Variants in LARGE1 observed in about 807,000 individuals in gnomAD.
LARGE1 encodes the protein xylosyl- and glucuronyltransferase LARGE1.
Under a neutral mutation model 87.6 loss-of-function variants are expected in LARGE1, and 43 were observed. The observed-to-expected ratio is 0.49, with a 90% CI of 0.38 to 0.63. The LOEUF (loss-of-function observed/expected upper bound fraction) is 0.63, where lower values mean the gene tolerates loss of function less well. Ranked by LOEUF, LARGE1 falls within the 30% of genes least tolerant of loss-of-function variation. LARGE1 has a pLI of 0.00. For synonymous variants in LARGE1, 434 were observed against 394.6 expected, an observed-to-expected ratio of 1.10 and a Z score of -1.18; for missense variants, 802 against 1,000.2, an observed-to-expected ratio of 0.80 and a Z score of 2.67.
chr22:33,614,187 C>T (rs2079518285), intron 4 of LARGE1, among the ~76,000 whole-genome samples: 1 of 152,110 alleles, frequency 6.6e-6, no homozygotes, highest in South Asian at 2.1e-4. Context: ...GGCTTGATCA[C>T]AATAGCTCCT....
At chr22:33,742,959 T>C (rs1461228068) in intron 2 of LARGE1, among the ~76,000 whole-genome samples, 1 of 151,756 alleles carries the variant, frequency 6.6e-6, no homozygotes, top group Non-Finnish European at 1.5e-5. Context: ...GGTGGGAGGG[T>C]CTTGGATCAT....
chr22:33,253,744 G>T (rs1927120194), intron 11 of LARGE1, among the ~76,000 whole-genome samples: 1 of 152,138 alleles, frequency 6.6e-6, no homozygotes, highest in South Asian at 2.1e-4. Flanking sequence ...GCACTCTAGA[G>T]TAGTATCTGA....
At chr22:33,337,039 T>G in intron 10 of LARGE1, among the ~76,000 whole-genome samples, 1 of 145,758 alleles carries the variant, frequency 6.9e-6, no homozygotes, top group Non-Finnish European at 1.5e-5. Flanking sequence ...CCAGCCTGGG[T>G]GACAGAGTGA....
intron 6 of LARGE1, among the ~76,000 whole-genome samples, chr22:33,451,804 G>A (rs1001628184): frequency 3.9e-5 from 6 of 152,042 alleles, no homozygotes; most frequent in Non-Finnish European, 7.4e-5. Context: ...TGATCCACCC[G>A]CCTCGGCCTC....
chr22:33,383,504 G>A (rs913979681), intron 8 of LARGE1, among the ~76,000 whole-genome samples: 1 of 152,066 alleles, frequency 6.6e-6, no homozygotes, highest in African/African-American at 2.4e-5. Flanking sequence ...AGGTTGCCGT[G>A]AGCCGAGACT....
At chr22:33,143,336 A>T in the LARGE1 span, among the ~76,000 whole-genome samples, 1 of 152,042 alleles carries the variant, frequency 6.6e-6, no homozygotes, top group African/African-American at 2.4e-5. Context: ...AATAACCCCA[A>T]CTTCAGCCTC....
intron 11 of LARGE1, among the ~76,000 whole-genome samples, chr22:33,228,282 A>C (rs1300632936): frequency 6.6e-6 from 1 of 152,272 alleles, no homozygotes; most frequent in African/African-American, 2.4e-5. Context: ...ACACAGATAA[A>C]TGCAGCATAG....
chr22:33,271,459 T>G (rs530422640), downstream of LARGE1, among the ~76,000 whole-genome samples: 36 of 152,354 alleles, frequency 2.4e-4, no homozygotes, highest in African/African-American at 8.4e-4. Flanking sequence ...CAAAGGCTTC[T>G]GCACATAGTG....
the LARGE1 span, among the ~76,000 whole-genome samples, chr22:33,087,235 AT>A: frequency 6.6e-6 from 1 of 151,832 alleles, no homozygotes; most frequent in African/African-American, 2.4e-5. Context: ...AGTAGAAAAA[AT>A]TTGTCCATAT....
At chr22:33,351,182 A>G (rs5754532) in intron 9 of LARGE1, among the ~76,000 whole-genome samples, 1 of 152,246 alleles carries the variant, frequency 6.6e-6, no homozygotes, top group Non-Finnish European at 1.5e-5. Flanking sequence ...TGTGCAATTA[A>G]TATCTGTTGA....
Position 33,604,492 on chromosome 22 carries a change from G to C in LARGE1, c.558C>G (p.Phe186Leu). Residue 186 changes from phenylalanine to leucine, a missense_variant, in exon 5 of 15, where the codon TTC (phenylalanine) becomes TTG (leucine). Phe to Leu is a conservative substitution (Grantham distance 22). Coordinates refer to ENST00000397394, the MANE Select transcript of LARGE1 (RefSeq NM_133642.5). Reference sequence around the variant, plus strand: ...GCACAGCGGGCACCATCCAGGTCTGGAAGAGCGTGGCCAGGATCTGCTCCG... The same window carrying C: ...GCACAGCGGGCACCATCCAGGTCTGCAAGAGCGTGGCCAGGATCTGCTCCG... ...SIAEQILATL[F>L]QTWMVPAVRV... 1 of 1,614,130 alleles carries C rather than the reference G, an allele frequency of 6.2e-7. No individual in the cohort carries two copies. Among genetic ancestry groups the C allele is most frequent in the Non-Finnish European group, 8.5e-7 (1 of 1,180,000 alleles).
intron 2 of LARGE1, among the ~76,000 whole-genome samples, chr22:33,680,665 A>G (rs1414571810): frequency 6.6e-6 from 1 of 152,200 alleles, no homozygotes; most frequent in Non-Finnish European, 1.5e-5. Flanking sequence ...AAGGCCGCCC[A>G]TGAGTGTGAA....
chr22:33,243,206 T>TA (rs1602139106), intron 11 of LARGE1, among the ~76,000 whole-genome samples: 1 of 152,248 alleles, frequency 6.6e-6, no homozygotes, highest in Non-Finnish European at 1.5e-5. Flanking sequence ...TTGAAAACTT[T>TA]AAATAAAGCT....
rs35018256 is a variant in LARGE1 at position 33,416,906 on chromosome 22, C to CTTTTT, written c.892+15250_892+15254dup. On this transcript the variant is annotated intron_variant, in intron 7 of 14. Coordinates refer to ENST00000397394, the MANE Select transcript of LARGE1 (RefSeq NM_133642.5). ...ACAGGTGTGAGGCACCACGCCCGGA[C>CTTTTT]TTTTTTTTTTTTTTTTTTTGAGACA... 1.8e-3 allele frequency among the ~76,000 whole-genome samples: 159 copies of CTTTTT among 90,142 alleles called. 10 individuals carry two copies. The highest frequency in any genetic ancestry group is 3.5e-3 in the Admixed American group (28 of 7,930). The allele number at this position is 90,142 out of a possible 152,430, so 59.1% of individuals were successfully genotyped here.
the LARGE1 span, among the ~76,000 whole-genome samples, chr22:33,120,384 TTC>T: frequency 1.0e-5 from 1 of 95,936 alleles, no homozygotes; most frequent in Non-Finnish European, 2.0e-5. Flanking sequence ...CTTTCTTTCT[TTC>T]TTTCTTTCTT....
At chr22:33,695,647 A>C (rs181511021) in intron 2 of LARGE1, among the ~76,000 whole-genome samples, 8 of 152,354 alleles carry the variant, frequency 5.3e-5, no homozygotes, top group African/African-American at 1.9e-4. Flanking sequence ...ATTTCAAAAC[A>C]GTAAGATAGT....
At chr22:33,485,367 C>T (rs897230231) in intron 6 of LARGE1, among the ~76,000 whole-genome samples, 1 of 152,004 alleles carries the variant, frequency 6.6e-6, no homozygotes, top group Non-Finnish European at 1.5e-5. Context: ...GCACGGGCCA[C>T]CACACCCAGC....
At position 33,767,015 on chromosome 22, in the gene LARGE1, A is replaced by G. The variant is rs187983620; in HGVS notation, c.-82-5457T>C. Among the ~76,000 whole-genome samples the G allele has an allele frequency of 7.6e-3, 1,082 of 142,674 alleles. 9 individuals carry two copies. Among genetic ancestry groups the G allele is most frequent in the Middle Eastern group, 0.018 (5 of 278 alleles). 93.6% of individuals were successfully genotyped at this position (142,674 alleles called of 152,430 possible). A position where few individuals can be genotyped will look rare whatever the true frequency, so the allele number is the denominator to read the frequency against. On this transcript the variant is annotated intron_variant, in intron 1 of 14. Coordinates refer to ENST00000397394, the MANE Select transcript of LARGE1 (RefSeq NM_133642.5). ...GAGCCTGCATTGCTTTTACAATTTA[A>G]AAGTTATTTAAAAATTGGCCAGGCA... is the stretch of plus-strand genomic sequence containing the variant.
At chr22:33,706,576 G>A (rs1331571259) in intron 2 of LARGE1, among the ~76,000 whole-genome samples, 1 of 152,202 alleles carries the variant, frequency 6.6e-6, no homozygotes, top group Non-Finnish European at 1.5e-5. Context: ...CAAGTAACTT[G>A]ATGTAATTTC....
Sources: gnomAD v4.1 joint callset for allele counts (sites outside exome capture counted in the v4.1 genomes callset) on GRCh38, gnomAD v4.1.1 for gene constraint, MANE v1.5 for transcripts, NCBI Gene and HGNC (gene_info 2026-07-23, HGNC 2026-07-21) for gene names.